The following PPARGC1B variants were observed in gnomAD, a reference collection of about 807,000 sequenced individuals.
The protein encoded by PPARGC1B is PPARG coactivator 1 beta, also known as peroxisome proliferator-activated receptor gamma coactivator 1-beta.
PPARGC1B carries 34 observed loss-of-function variants against 101.6 expected under a neutral mutation model. The observed-to-expected ratio is 0.33, with a 90% CI of 0.25 to 0.45. The LOEUF (loss-of-function observed/expected upper bound fraction) is 0.45, where lower values mean the gene tolerates loss of function less well. PPARGC1B is among the 20% of genes least tolerant of loss of function. The pLI is 1.00. For missense variants in PPARGC1B, 1,234 were observed against 1,317.6 expected (o/e 0.94, Z 0.98); for synonymous variants, 548 against 539.3 (o/e 1.02, Z -0.22).
At chr5:149,733,272 A>C (rs1263235430) in intron 1 of PPARGC1B, among the ~76,000 whole-genome samples, 1 of 152,172 alleles carries the variant, frequency 6.6e-6, no homozygotes. Context: ...AAAGTACGGA[A>C]ATTTAGCAGA....
At chr5:149,806,967 T>TC in intron 1 of PPARGC1B, among the ~76,000 whole-genome samples, 1 of 151,914 alleles carries the variant, frequency 6.6e-6, no homozygotes, top group East Asian at 1.9e-4. Context: ...TTTTTTTTTT[T>TC]CCTTTTTGAG....
intron 1 of PPARGC1B, among the ~76,000 whole-genome samples, chr5:149,739,601 G>A (rs1374593687): frequency 6.6e-6 from 1 of 152,182 alleles, no homozygotes. Flanking sequence ...CATTTCCAGT[G>A]TCAGGTCTTG....
chr5:149,788,212 C>A (rs937337643), intron 1 of PPARGC1B, among the ~76,000 whole-genome samples: 2 of 152,200 alleles, frequency 1.3e-5, no homozygotes, highest in Non-Finnish European at 2.9e-5. Context: ...CTACAAAGAA[C>A]TTAAATAAAT....
At chr5:149,777,872 C>G (rs182060796) in intron 1 of PPARGC1B, among the ~76,000 whole-genome samples, 2 of 106,488 alleles carry the variant, frequency 1.9e-5, no homozygotes, top group Non-Finnish European at 3.7e-5. Context: ...CCCTCCCCCC[C>G]CACCACAGAC....
intron 1 of PPARGC1B, among the ~76,000 whole-genome samples, chr5:149,810,415 C>G (rs1397868270): frequency 5.9e-5 from 9 of 152,208 alleles, no homozygotes; most frequent in Non-Finnish European, 2.9e-5. Flanking sequence ...GGTGGGGGGC[C>G]TAGCTGACCT....
rs773100490 is a variant in PPARGC1B at position 149,832,881 on chromosome 5, C to G, written c.808C>G (p.Leu270Val). 1.2e-6 allele frequency: 2 copies of G among 1,612,836 alleles called. No individual in the cohort carries two copies. Among genetic ancestry groups the G allele is most frequent in the Non-Finnish European group, 1.7e-6 (2 of 1,179,778 alleles). The change falls in exon 5 of 12, where the codon CTG becomes GTG. Residue 270 changes from leucine (L) to valine (V), a missense_variant. Leu to Val is a conservative substitution (Grantham distance 32). This residue lies in a region of PPARGC1B where 734 missense variants were observed against 768.4 expected (regional missense o/e 0.96). Transcript: ENST00000309241. This position sits in a 1 kb window ranked among gnomAD's most constrained non-coding sequence, Gnocchi z 4.9. ...APASPRDSLA[L>V]GRADPGAPVS... is the part of the protein sequence containing the mutation. ...AGCCTCTCCCCGGGACTCCCTAGCT[C>G]TGGGCAGGGCAGACCCCGGTGCCCC...
Position 149,738,805 on chromosome 5 carries a change from C to T in PPARGC1B, c.78+8385C>T, listed in dbSNP as rs1448706507. Among the ~76,000 whole-genome samples the T allele has an allele frequency of 3.3e-5, 5 of 152,312 alleles. No homozygotes were observed. In the East Asian group the frequency reaches 9.6e-4, roughly 29 times the overall value. On this transcript the variant is annotated intron_variant, in intron 1 of 11. Coordinates refer to ENST00000309241, the MANE Select transcript of PPARGC1B (RefSeq NM_133263.4). ...AGAGATGGGGTTTCACCATATTGGC[C>T]AGGCTGGTCTTGAACTCCTGACCTC...
intron 1 of PPARGC1B, among the ~76,000 whole-genome samples, chr5:149,777,538 G>A (rs767285358): frequency 2.0e-5 from 3 of 152,064 alleles, no homozygotes; most frequent in South Asian, 4.1e-4. Flanking sequence ...GGGAAATTCC[G>A]CCACCCTCCC....
At chr5:149,779,827 G>T (rs968052514) in intron 1 of PPARGC1B, among the ~76,000 whole-genome samples, 4 of 152,234 alleles carry the variant, frequency 2.6e-5, no homozygotes, top group African/African-American at 9.7e-5. Flanking sequence ...GTGTGCTGGG[G>T]TTGCCCAGGA....
Position 149,853,619 on chromosome 5 carries a change from TC to T in PPARGC1B, c.*6065del, listed in dbSNP as rs1448161997. 6.6e-6 allele frequency: 1 copy of T among 152,246 alleles called. No individual in the cohort carries two copies. Among genetic ancestry groups the T allele is most frequent in the Non-Finnish European group, 1.5e-5 (1 of 68,048 alleles). 9.4% of individuals were successfully genotyped at this position (152,246 alleles called of 1,614,324 possible). ...GGCCTGGCCATGATCTTTGATATGATCCCCGAATAGCCAAATAGTTTTTTTT... is the reference window on the plus strand; with the variant it reads ...GGCCTGGCCATGATCTTTGATATGATCCCGAATAGCCAAATAGTTTTTTTT... On this transcript the variant is annotated 3_prime_UTR_variant, in exon 12 of 12. Coordinates refer to ENST00000309241, the MANE Select transcript of PPARGC1B (RefSeq NM_133263.4). This position sits in a 1 kb window ranked among gnomAD's most constrained non-coding sequence, Gnocchi z 4.2.
intron 1 of PPARGC1B, among the ~76,000 whole-genome samples, chr5:149,732,284 C>G (rs1240371921): frequency 6.6e-6 from 1 of 152,188 alleles, no homozygotes; most frequent in Non-Finnish European, 1.5e-5. Flanking sequence ...TGGGAAGATT[C>G]TGTCCCCAGA....
Position 149,849,566 on chromosome 5 carries a change from A to G in PPARGC1B, c.*2008A>G, listed in dbSNP as rs1253834612. 6.6e-6 allele frequency: 1 copy of G among 152,240 alleles called. No homozygotes were observed. The highest frequency in any genetic ancestry group is 1.5e-5 in the Non-Finnish European group (1 of 68,036). 9.4% of individuals were successfully genotyped at this position (152,240 alleles called of 1,614,324 possible). On this transcript the variant is annotated 3_prime_UTR_variant, in exon 12 of 12. Transcript: ENST00000309241. ...GCCTGGATGTGCTATAAGAATCCTG[A>G]AATCAGTGCTCTGGTAAGTCATTAC...
chr5:149,764,230 G>A (rs1755824722), intron 1 of PPARGC1B, among the ~76,000 whole-genome samples: 2 of 152,194 alleles, frequency 1.3e-5, no homozygotes, highest in Admixed American at 6.5e-5. Flanking sequence ...GGGCAGAGGG[G>A]GCCTGGATTG....
chr5:149,743,372 T>G (rs547077654), intron 1 of PPARGC1B, among the ~76,000 whole-genome samples: 29 of 152,184 alleles, frequency 1.9e-4, no homozygotes, highest in Non-Finnish European at 4.3e-4. Flanking sequence ...GCCAGGCTGG[T>G]CTCGAACTCG....
chr5:149,747,803 G>A lies in PPARGC1B; in HGVS notation c.78+17383G>A, dbSNP rs187165895. Among the ~76,000 whole-genome samples the A allele has an allele frequency of 9.2e-4, 140 of 152,336 alleles. 1 individual carries two copies. The highest frequency in any genetic ancestry group is 1.6e-3 in the Non-Finnish European group (111 of 68,024). On this transcript the variant is annotated intron_variant, in intron 1 of 11. Transcript: ENST00000309241. The stretch of plus-strand genomic sequence containing the variant: ...GCCTGCATCCACACCTCCCTGGTGG[G>A]GTGGGGGTGGACCATGGGCAGGCAC...
intron 1 of PPARGC1B, among the ~76,000 whole-genome samples, chr5:149,731,220 G>A (rs1045761521): frequency 3.3e-4 from 50 of 152,334 alleles, no homozygotes; most frequent in Non-Finnish European, 1.3e-4. Context: ...TGACAGGAGA[G>A]GGTGCTCTGG....
intron 7 of PPARGC1B, among the ~76,000 whole-genome samples, chr5:149,835,717 G>A (rs1013272331): frequency 6.6e-6 from 1 of 152,190 alleles, no homozygotes; most frequent in East Asian, 1.9e-4. Context: ...ACGATTGGAC[G>A]TAGATCAGGA....
intron 10 of PPARGC1B, chr5:149,845,514 T>C (rs1259397164): frequency 2.0e-6 from 1 of 507,188 alleles, no homozygotes; most frequent in Non-Finnish European, 3.5e-6. Context: ...CCTCACAGGC[T>C]CATCTGAGGA....
rs185039350 is a variant in PPARGC1B, at chr5:149,753,027, C to T, written c.78+22607C>T. Among the ~76,000 whole-genome samples, 59 of 152,244 alleles carry T rather than the reference C, an allele frequency of 3.9e-4. No homozygotes were observed. In the East Asian group the frequency reaches 8.5e-3, roughly 22 times the overall value. On this transcript the variant is annotated intron_variant, in intron 1 of 11. Coordinates refer to ENST00000309241, the MANE Select transcript of PPARGC1B (RefSeq NM_133263.4). ...TATATGTGGTCTAACTTGCTGCCTC[C>T]TGGGTTTTTATTTTTTGTTTTTTGC...
Sources: gnomAD v4.1 joint callset for allele counts (sites outside exome capture counted in the v4.1 genomes callset) on GRCh38, gnomAD v4.1.1 for gene constraint, gnomAD v4.1.1 regional missense constraint, Gnocchi (gnomAD v3.1) non-coding constraint, MANE v1.5 for transcripts, NCBI Gene and HGNC (gene_info 2026-07-23, HGNC 2026-07-21) for gene names.